Variants in MATN2 observed in about 807,000 individuals in gnomAD.
MATN2 encodes matrilin 2.
A neutral mutation model predicts 103.2 loss-of-function variants in MATN2; 69 were observed. That is an observed-to-expected ratio of 0.67 (90% confidence interval 0.55 to 0.82). The LOEUF is 0.82. MATN2 is among the 40% of genes least tolerant of loss of function. The pLI, the probability that MATN2 is intolerant of heterozygous loss-of-function variation, is 0.00. For missense variants in MATN2, 1,023 were observed against 1,211.5 expected, an observed-to-expected ratio of 0.84 and a Z score of 2.31; for synonymous variants, 429 against 450.2, an observed-to-expected ratio of 0.95 and a Z score of 0.60.
intron 6 of MATN2, among the ~76,000 whole-genome samples, chr8:97,987,861 T>TCAATAGAGA (rs1812246888): frequency 6.6e-6 from 1 of 151,814 alleles, no homozygotes; most frequent in Non-Finnish European, 1.5e-5. Flanking sequence ...AAGACATAAA[T>TCAATAGAGA]CAATAGAGAT....
intron 1 of MATN2, among the ~76,000 whole-genome samples, chr8:97,877,861 G>C (rs780481536): frequency 2.0e-5 from 3 of 152,214 alleles, no homozygotes; most frequent in Non-Finnish European, 4.4e-5. Context: ...AAGAAGTCTG[G>C]AGACAGTGAG....
chr8:97,996,368 T>G (rs1439290488), intron 7 of MATN2, among the ~76,000 whole-genome samples: 1 of 151,532 alleles, frequency 6.6e-6, no homozygotes, highest in Admixed American at 6.6e-5. Flanking sequence ...GAAGAGCGAG[T>G]AGAGAGGGAG....
chr8:97,891,838 A>T (rs553066868), intron 2 of MATN2, among the ~76,000 whole-genome samples: 1 of 152,302 alleles, frequency 6.6e-6, no homozygotes, highest in Admixed American at 6.5e-5. Flanking sequence ...GCAGTGGCTC[A>T]TGCCTGTAAT....
At chr8:98,028,042 A>G (rs556292297) in intron 14 of MATN2, among the ~76,000 whole-genome samples, 1 of 152,306 alleles carries the variant, frequency 6.6e-6, no homozygotes, top group Non-Finnish European at 1.5e-5. Flanking sequence ...GAGTCTGGCT[A>G]CTAGAAGGGT....
At chr8:97,870,652 C>A (rs1817862004) in intron 1 of MATN2, among the ~76,000 whole-genome samples, 1 of 152,226 alleles carries the variant, frequency 6.6e-6, no homozygotes, top group South Asian at 2.1e-4. Flanking sequence ...TGTACCTCTT[C>A]CCCAGTTCAG....
chr8:97,934,965 A>C (rs1365266471), intron 3 of MATN2, among the ~76,000 whole-genome samples: 1 of 152,084 alleles, frequency 6.6e-6, no homozygotes, highest in Non-Finnish European at 1.5e-5. Context: ...GGATCCTGAG[A>C]TTTTATTTTC....
chr8:97,874,816 C>T (rs1303019874), intron 1 of MATN2, among the ~76,000 whole-genome samples: 5 of 151,844 alleles, frequency 3.3e-5, no homozygotes, highest in African/African-American at 1.2e-4. Flanking sequence ...CTCCTGGGTT[C>T]AAGCGATTCT....
At chr8:98,003,988 A>T (rs77123670) in intron 8 of MATN2, 6,098 of 574,824 alleles carry the variant, frequency 0.011, 270 homozygotes, top group African/African-American at 0.1. Context: ...TGCAAGGATT[A>T]AAAGAATTAA....
intron 3 of MATN2, 54 bp from the exon 4 acceptor site, chr8:97,941,723 T>G (rs1810574517): frequency 6.5e-7 from 1 of 1,539,240 alleles, no homozygotes; most frequent in Non-Finnish European, 8.8e-7. Context: ...CTGGCTGGAA[T>G]GGAGTGAGAA....
At chr8:97,989,212 G>A (rs1426199590) in intron 6 of MATN2, among the ~76,000 whole-genome samples, 2 of 152,214 alleles carry the variant, frequency 1.3e-5, no homozygotes, top group Non-Finnish European at 2.9e-5. Flanking sequence ...GCTCACGCCT[G>A]TAATCCCAGT....
intron 10 of MATN2, among the ~76,000 whole-genome samples, chr8:98,011,709 T>C (rs577563966): frequency 6.6e-6 from 1 of 152,368 alleles, no homozygotes; most frequent in Admixed American, 6.5e-5. Flanking sequence ...AGATGGCCAC[T>C]GTGGCTTTCT....
At chr8:97,997,792 T>G (rs1173796512) in intron 7 of MATN2, among the ~76,000 whole-genome samples, 1 of 150,128 alleles carries the variant, frequency 6.7e-6, no homozygotes, top group Non-Finnish European at 1.5e-5. Context: ...GTTAAACGTC[T>G]GCTAAAAAGA....
intron 2 of MATN2, among the ~76,000 whole-genome samples, chr8:97,909,807 G>A (rs139407814): frequency 0.074 from 11,119 of 150,664 alleles, 1,207 homozygotes; most frequent in African/African-American, 0.24. Context: ...TTTTTGAGAC[G>A]GAGTCTCGCT....
intron 2 of MATN2, among the ~76,000 whole-genome samples, chr8:97,929,183 A>C (rs1206459098): frequency 6.6e-6 from 1 of 152,200 alleles, no homozygotes; most frequent in Non-Finnish European, 1.5e-5. Flanking sequence ...GGCGGCAAGG[A>C]TGAGTTGTGT....
At position 98,032,262 on chromosome 8, in the gene MATN2, T is replaced by TGGAA; in HGVS notation, c.2528_2531dup (p.Gln845LysfsTer20). On this transcript the variant is annotated frameshift_variant, in exon 16 of 19. Coordinates refer to ENST00000254898, the MANE Select transcript of MATN2 (RefSeq NM_002380.5). LOFTEE classifies it high-confidence loss of function. Reference sequence around the variant, plus strand: ...TCTGCTCAGCTCTAGAAGACTCCGATGGAAGACAGGACTCTCCAGCAGGGG... The same window carrying TGGAA: ...TCTGCTCAGCTCTAGAAGACTCCGATGGAAGGAAGACAGGACTCTCCAGCAGGGG... The TGGAA allele has an allele frequency of 6.2e-7, 1 of 1,611,872 alleles. No individual in the cohort carries two copies. The highest frequency in any genetic ancestry group is 8.5e-7 in the Non-Finnish European group (1 of 1,178,942).
At chr8:98,016,469 A>T (rs113783269) in intron 10 of MATN2, 71 bp from the exon 11 acceptor site, 8 of 1,356,004 alleles carry the variant, frequency 5.9e-6, no homozygotes, top group Non-Finnish European at 8.2e-6. Flanking sequence ...AATGTCTTTT[A>T]TGATTGAATA....
intron 2 of MATN2, among the ~76,000 whole-genome samples, chr8:97,895,320 C>T (rs936783009): frequency 2.6e-5 from 4 of 152,210 alleles, no homozygotes; most frequent in African/African-American, 7.2e-5. Flanking sequence ...CCGACCAACC[C>T]GTGGAAGCCA....
rs1175493422 is a variant in MATN2, at chr8:97,994,566, G to A, written c.1168G>A (p.Gly390Ser). The change falls in exon 7 of 19, where the codon GGC becomes AGC. Residue 390 changes from glycine to serine, a missense_variant. Physicochemically the swap from Gly to Ser is moderately conservative, Grantham distance 56. Coordinates refer to ENST00000254898, the MANE Select transcript of MATN2 (RefSeq NM_002380.5). ...DDSYSCHCLKGFTLNPDKKTC... is the reference protein window; with the variant it reads ...DDSYSCHCLKSFTLNPDKKTC... Reference sequence around the variant, plus strand: ...TTCCTATTCCTGCCACTGCCTGAAAGGCTTTACCCTGAATCCAGATAAGAA... The same window carrying A: ...TTCCTATTCCTGCCACTGCCTGAAAAGCTTTACCCTGAATCCAGATAAGAA... 6.2e-7 allele frequency: 1 copy of A among 1,613,644 alleles called. No individual in the cohort carries two copies. The highest frequency in any genetic ancestry group is 2.2e-5 in the East Asian group (1 of 44,872).
chr8:97,893,137 G>A (rs944366548), intron 2 of MATN2, among the ~76,000 whole-genome samples: 8 of 152,176 alleles, frequency 5.3e-5, no homozygotes, highest in Non-Finnish European at 1.0e-4. Context: ...TGTACTCTCC[G>A]GACAGACTTG....
Sources: allele counts gnomAD v4.1 joint callset (sites outside exome capture counted in the v4.1 genomes callset), GRCh38; gene constraint gnomAD v4.1.1; transcripts MANE v1.5; gene names NCBI Gene and HGNC (gene_info 2026-07-23, HGNC 2026-07-21).